Variants in ABTB3 observed in about 807,000 individuals in gnomAD.
ABTB3 encodes the protein ankyrin repeat- and BTB/POZ domain-containing protein 3.
the ABTB3 span, among the ~76,000 whole-genome samples, chr12:107,364,946 G>T: frequency 6.6e-6 from 1 of 152,136 alleles, no homozygotes; most frequent in Admixed American, 6.5e-5. Context: ...AGTCCCCTGG[G>T]AGGTAGTAGG....
chr12:107,450,610 G>A, the ABTB3 span, among the ~76,000 whole-genome samples: 3 of 152,346 alleles, frequency 2.0e-5, no homozygotes, highest in East Asian at 5.8e-4. Context: ...TGCCCATAAA[G>A]TGGACAGTGG....
chr12:107,474,467 G>C, the ABTB3 span, among the ~76,000 whole-genome samples: 9 of 152,206 alleles, frequency 5.9e-5, no homozygotes, highest in African/African-American at 2.2e-4. Context: ...AAAGCCATGG[G>C]AAGCAGGGAT....
chr12:107,537,858 A>G, the ABTB3 span, among the ~76,000 whole-genome samples: 4 of 152,102 alleles, frequency 2.6e-5, no homozygotes, highest in Admixed American at 6.5e-5. Flanking sequence ...TCTGATGTGT[A>G]GCCACCACTT....
the ABTB3 span, among the ~76,000 whole-genome samples, chr12:107,517,725 C>G: frequency 3.3e-5 from 5 of 152,146 alleles, no homozygotes; most frequent in African/African-American, 1.2e-4. Context: ...ATGTCTAAAA[C>G]ACCAAAAGCA....
chr12:107,431,039 G>A, the ABTB3 span, among the ~76,000 whole-genome samples: 4 of 152,194 alleles, frequency 2.6e-5, no homozygotes, highest in African/African-American at 9.6e-5. Context: ...TCAGAAACAT[G>A]AGAACAGGCA....
the ABTB3 span, among the ~76,000 whole-genome samples, chr12:107,428,363 C>G: frequency 6.6e-6 from 1 of 152,148 alleles, no homozygotes; most frequent in African/African-American, 2.4e-5. Flanking sequence ...ATCTTTCTGC[C>G]TTGGATGTCC....
At chr12:107,451,610 T>C in the ABTB3 span, among the ~76,000 whole-genome samples, 9 of 152,132 alleles carry the variant, frequency 5.9e-5, no homozygotes, top group African/African-American at 1.4e-4. Context: ...GGCAAGGCCA[T>C]TGGAATCTTA....
At chr12:107,428,233 G>A in the ABTB3 span, among the ~76,000 whole-genome samples, 6 of 152,332 alleles carry the variant, frequency 3.9e-5, no homozygotes, top group Admixed American at 2.0e-4. Context: ...ACCTGGCTAA[G>A]CCCTGAAAGG....
At chr12:107,532,460 G>T in the ABTB3 span, among the ~76,000 whole-genome samples, 2 of 152,104 alleles carry the variant, frequency 1.3e-5, no homozygotes, top group East Asian at 1.9e-4. Context: ...TCATACAAAG[G>T]CTACACTGCT....
chr12:107,457,061 T>C, the ABTB3 span, among the ~76,000 whole-genome samples: 42,663 of 151,928 alleles, frequency 0.28, 6,225 homozygotes, highest in East Asian at 0.36. Flanking sequence ...AGGGTTTCAC[T>C]GTGTTGGTCA....
chr12:107,642,296 A>G, the ABTB3 span: 2 of 798,318 alleles, frequency 2.5e-6, no homozygotes, highest in South Asian at 1.6e-5. Context: ...AGTCTCCTGA[A>G]CTCCCGGCCC....
At chr12:107,476,297 A>C in the ABTB3 span, among the ~76,000 whole-genome samples, 1 of 152,214 alleles carries the variant, frequency 6.6e-6, no homozygotes, top group East Asian at 1.9e-4. Context: ...CTAACTTGTG[A>C]TCTGGAGACT....
the ABTB3 span, among the ~76,000 whole-genome samples, chr12:107,514,135 G>A: frequency 9.8e-5 from 15 of 152,288 alleles, no homozygotes; most frequent in South Asian, 2.9e-3. Flanking sequence ...TGGAGAGCAG[G>A]AAGTTCTTTG....
At chr12:107,340,783 A>T in the ABTB3 span, among the ~76,000 whole-genome samples, 12 of 152,212 alleles carry the variant, frequency 7.9e-5, no homozygotes, top group Non-Finnish European at 1.3e-4. Context: ...ATCTCCCAGG[A>T]TGGAGCCCTT....
At chr12:107,622,530 G>A in the ABTB3 span, among the ~76,000 whole-genome samples, 6 of 152,106 alleles carry the variant, frequency 3.9e-5, no homozygotes, top group Non-Finnish European at 7.4e-5. Flanking sequence ...CGCCCAGACT[G>A]GAGTGCAGTA....
At chr12:107,569,283 G>A in the ABTB3 span, among the ~76,000 whole-genome samples, 1 of 152,144 alleles carries the variant, frequency 6.6e-6, no homozygotes, top group Non-Finnish European at 1.5e-5. Flanking sequence ...TTTTAGAATT[G>A]ATCTGTTAAT....
At chr12:107,491,095 C>G in the ABTB3 span, among the ~76,000 whole-genome samples, 3 of 152,038 alleles carry the variant, frequency 2.0e-5, no homozygotes, top group Admixed American at 1.3e-4. Context: ...AGGTGGGCCT[C>G]TGTGGCTGAG....
At chr12:107,480,220 G>A in the ABTB3 span, among the ~76,000 whole-genome samples, 1 of 152,152 alleles carries the variant, frequency 6.6e-6, no homozygotes, top group Non-Finnish European at 1.5e-5. Flanking sequence ...ATTAGCTAAA[G>A]TATAGGTAGG....
At chr12:107,336,747 G>A in the ABTB3 span, among the ~76,000 whole-genome samples, 2 of 152,172 alleles carry the variant, frequency 1.3e-5, no homozygotes, top group Admixed American at 6.5e-5. Context: ...ACTGTTCAGC[G>A]GATGACACCA....
Sources: allele counts gnomAD v4.1 joint callset (sites outside exome capture counted in the v4.1 genomes callset), GRCh38; gene constraint gnomAD v4.1.1; transcripts MANE v1.5; gene names NCBI Gene and HGNC (gene_info 2026-07-23, HGNC 2026-07-21).